The following RLF variants were observed in gnomAD, a reference collection of about 807,000 sequenced individuals.
RLF encodes RLF zinc finger, also known as zinc finger protein Rlf.
RLF carries 7 observed loss-of-function variants against 162.9 expected under a neutral mutation model. The ratio of observed to expected loss-of-function variants is 0.04; its 90% CI spans 0.02 to 0.08. The LOEUF (loss-of-function observed/expected upper bound fraction) is 0.08. RLF is among the 10% of genes least tolerant of loss of function. RLF has a pLI of 1.00. For missense variants in RLF, 1,664 were observed against 2,244.7 expected (o/e 0.74, Z 5.23); for synonymous variants, 782 against 791.5 (o/e 0.99, Z 0.20).
intron 5 of RLF, among the ~76,000 whole-genome samples, chr1:40,217,404 G>C (rs920781145): frequency 6.6e-6 from 1 of 151,976 alleles, no homozygotes; most frequent in Admixed American, 6.6e-5. Flanking sequence ...CTAGGAGTTC[G>C]AGGCTGCAGT....
At chr1:40,221,141 C>G (rs925242232) in intron 5 of RLF, among the ~76,000 whole-genome samples, 1 of 151,634 alleles carries the variant, frequency 6.6e-6, no homozygotes, top group African/African-American at 2.4e-5. Flanking sequence ...CTTAAAAAAA[C>G]TAAAAATAAT....
chr1:40,215,362 C>T (rs1339155710), intron 5 of RLF, among the ~76,000 whole-genome samples: 1 of 152,074 alleles, frequency 6.6e-6, no homozygotes, highest in Non-Finnish European at 1.5e-5. Flanking sequence ...GGTCTATTCT[C>T]CAGGATAGAC....
chr1:40,164,103 C>T (rs966413306), intron 1 of RLF, among the ~76,000 whole-genome samples: 5 of 152,218 alleles, frequency 3.3e-5, no homozygotes, highest in Middle Eastern at 3.4e-3. Context: ...ACAGTTTTCT[C>T]GGACTCTAGG....
intron 5 of RLF, among the ~76,000 whole-genome samples, chr1:40,204,648 C>T (rs1484242423): frequency 6.6e-6 from 1 of 151,150 alleles, no homozygotes; most frequent in African/African-American, 2.4e-5. Flanking sequence ...TCTCGAACTC[C>T]CAGGGTCAAA....
At chr1:40,193,494 G>C (rs1330422311) in intron 3 of RLF, among the ~76,000 whole-genome samples, 1 of 152,058 alleles carries the variant, frequency 6.6e-6, no homozygotes, top group Non-Finnish European at 1.5e-5. Flanking sequence ...TAATGGTACA[G>C]GTCAGTTAGA....
At position 40,222,578 on chromosome 1, in the gene RLF, C is replaced by T; in HGVS notation, c.815C>T (p.Ala272Val). 6.2e-7 allele frequency: 1 copy of T among 1,612,066 alleles called. No individual in the cohort carries two copies. Among genetic ancestry groups the T allele is most frequent in the Non-Finnish European group, 8.5e-7 (1 of 1,179,162 alleles). Residue 272 changes from alanine to valine, a missense_variant, in exon 6 of 8, where the codon GCA becomes GTA. Ala to Val is a moderately conservative substitution (Grantham distance 64). Coordinates refer to ENST00000372771, the MANE Select transcript of RLF (RefSeq NM_012421.4). ...LPNEDAIKEI[A>V]KVDCKEVLDI... ...TAGTCATCTCATTTTTGATAGATTG[C>T]AAAGGTCGACTGCAAGGAAGTACTA...
chr1:40,213,317 G>C (rs1557753311), intron 5 of RLF, among the ~76,000 whole-genome samples: 1 of 152,110 alleles, frequency 6.6e-6, no homozygotes, highest in East Asian at 1.9e-4. Context: ...GCACTGGAGG[G>C]GGTCATTATG....
At chr1:40,212,286 A>G (rs1482432402) in intron 5 of RLF, among the ~76,000 whole-genome samples, 1 of 152,228 alleles carries the variant, frequency 6.6e-6, no homozygotes, top group African/African-American at 2.4e-5. Context: ...GTCAAAATTC[A>G]GAACCTAGTG....
At chr1:40,204,794 C>T (rs1034849960) in intron 5 of RLF, among the ~76,000 whole-genome samples, 10 of 152,110 alleles carry the variant, frequency 6.6e-5, no homozygotes, top group Non-Finnish European at 1.2e-4. Context: ...TTCTTCAAAA[C>T]TATACTGTAA....
At chr1:40,193,083 G>A (rs925962883) in intron 3 of RLF, among the ~76,000 whole-genome samples, 4 of 144,540 alleles carry the variant, frequency 2.8e-5, no homozygotes, top group African/African-American at 5.2e-5. Context: ...ACTGTAAATG[G>A]TGCAAGAGTG....
intron 1 of RLF, among the ~76,000 whole-genome samples, chr1:40,168,655 A>G (rs1284366269): frequency 6.6e-6 from 1 of 152,174 alleles, no homozygotes; most frequent in Non-Finnish European, 1.5e-5. Context: ...CATTTTTATT[A>G]CATAGTAAAA....
chr1:40,172,485 A>G (rs1174082411), intron 1 of RLF, among the ~76,000 whole-genome samples: 1 of 152,196 alleles, frequency 6.6e-6, no homozygotes, highest in Non-Finnish European at 1.5e-5. Flanking sequence ...AATTCCTGGA[A>G]TTGAAATTAT....
At chr1:40,174,415 C>T (rs2124526788) in intron 1 of RLF, among the ~76,000 whole-genome samples, 2 of 151,954 alleles carry the variant, frequency 1.3e-5, no homozygotes, top group East Asian at 3.9e-4. Flanking sequence ...AATAGAGTGC[C>T]ACCAAATGGG....
chr1:40,211,014 T>G (rs1052595199), intron 5 of RLF, among the ~76,000 whole-genome samples: 1 of 152,242 alleles, frequency 6.6e-6, no homozygotes, highest in Admixed American at 6.5e-5. Context: ...CCCAGCTACC[T>G]GTTTTTATAA....
intron 6 of RLF, among the ~76,000 whole-genome samples, chr1:40,224,622 G>GTTTTTTTT (rs1557757506): frequency 1.5e-4 from 2 of 13,510 alleles, no homozygotes; most frequent in South Asian, 2.8e-3. Flanking sequence ...GTTTTTGAAA[G>GTTTTTTTT]CTTTTTTTTT....
intron 5 of RLF, among the ~76,000 whole-genome samples, chr1:40,207,112 TAGATTGTAA>T (rs1642807458): frequency 6.6e-6 from 1 of 152,220 alleles, no homozygotes. Flanking sequence ...TTCCTCCCAC[TAGATTGTAA>T]ACTCCGGAAG....
rs1643282218 is a variant in RLF at position 40,240,751 on chromosome 1, A to G, written c.*304A>G. 1 of 284,348 alleles carries G rather than the reference A, an allele frequency of 3.5e-6. No individual in the cohort carries two copies. 17.6% of individuals were successfully genotyped at this position (284,348 alleles called of 1,614,324 possible). On this transcript the variant is annotated 3_prime_UTR_variant, in exon 8 of 8. Coordinates refer to ENST00000372771, the MANE Select transcript of RLF (RefSeq NM_012421.4). ...TCCTTTTTCAAATTAAGTGTGCATG[A>G]TTGTATATGGAACAAATACTAAGGT...
intron 1 of RLF, among the ~76,000 whole-genome samples, chr1:40,167,383 G>C (rs149855011): frequency 6.6e-6 from 1 of 152,244 alleles, no homozygotes; most frequent in Non-Finnish European, 1.5e-5. Flanking sequence ...AGTTATCATA[G>C]CAAAAGCTAG....
intron 5 of RLF, among the ~76,000 whole-genome samples, chr1:40,205,895 T>A (rs1487508794): frequency 2.0e-5 from 3 of 152,222 alleles, no homozygotes; most frequent in Non-Finnish European, 4.4e-5. Context: ...CCTCATTGAT[T>A]ACTCCTTTCT....
Sources: allele counts gnomAD v4.1 joint callset (sites outside exome capture counted in the v4.1 genomes callset), GRCh38; gene constraint gnomAD v4.1.1; transcripts MANE v1.5; gene names NCBI Gene and HGNC (gene_info 2026-07-23, HGNC 2026-07-21).